PDS5B: variants seen among roughly 807,000 people sequenced by gnomAD.
PDS5B encodes sister chromatid cohesion protein PDS5 homolog B.
PDS5B carries 51 observed loss-of-function variants against 184.1 expected under a neutral mutation model. That is an observed-to-expected ratio of 0.28 (90% CI 0.22 to 0.35). The LOEUF (loss-of-function observed/expected upper bound fraction) is 0.35, where lower values mean the gene tolerates loss of function less well. Among genes scored for constraint, PDS5B ranks in the 10% least tolerant of loss-of-function variants. The pLI, the probability that PDS5B is intolerant of heterozygous loss-of-function variation, is 1.00. For synonymous variants in PDS5B, 566 were observed against 569.2 expected (o/e 0.99, Z 0.08); for missense variants, 1,180 against 1,723.3 (o/e 0.68, Z 5.58).
chr13:32,729,632 C>T (rs189517807), intron 19 of PDS5B, among the ~76,000 whole-genome samples: 3 of 152,184 alleles, frequency 2.0e-5, no homozygotes, highest in Admixed American at 1.3e-4. Context: ...TTTTAATGAT[C>T]GCAATTCTAA....
rs944264793 is a variant in PDS5B at position 32,638,317 on chromosome 13, C to G, written c.-19-10437C>G. On this transcript the variant is annotated intron_variant, in intron 1 of 34. Coordinates refer to ENST00000315596, the MANE Select transcript of PDS5B (RefSeq NM_015032.4). ...TTCTTGATGGGAGGAGCAGCAAAGT[C>G]ACATTGTAAGGGTGTAGATACAAGG... Among the ~76,000 whole-genome samples the G allele has an allele frequency of 2.6e-5, 4 of 152,280 alleles. No homozygotes were observed. In the South Asian group the frequency reaches 8.3e-4, roughly 32 times the overall value.
chr13:32,622,464 A>G (rs1341994435), intron 1 of PDS5B, among the ~76,000 whole-genome samples: 1 of 152,126 alleles, frequency 6.6e-6, no homozygotes, highest in East Asian at 1.9e-4. Flanking sequence ...CCAGATTGTC[A>G]TTAGTTTTTG....
chr13:32,626,977 CT>C (rs2058379893), intron 1 of PDS5B, among the ~76,000 whole-genome samples: 1 of 151,996 alleles, frequency 6.6e-6, no homozygotes, highest in South Asian at 2.1e-4. Context: ...ACACTGCCAC[CT>C]TTGTTTCCTG....
chr13:32,631,999 A>G (rs1196061792), intron 1 of PDS5B, among the ~76,000 whole-genome samples: 5 of 152,192 alleles, frequency 3.3e-5, no homozygotes, highest in African/African-American at 9.6e-5. Flanking sequence ...CACTGGGACA[A>G]CTGGATTTCC....
intron 13 of PDS5B, chr13:32,689,704 C>A (rs983436701): frequency 6.6e-6 from 1 of 152,094 alleles, no homozygotes. Context: ...TGTTCTTTTT[C>A]CACTACACGT....
chr13:32,733,124 A>T lies in PDS5B; in HGVS notation c.2247+900A>T, dbSNP rs1263009306. 3.9e-5 allele frequency among the ~76,000 whole-genome samples: 6 copies of T among 152,314 alleles called. No individual in the cohort carries two copies. The East Asian group carries it at 9.6e-4, about 24-fold the overall frequency. On this transcript the variant is annotated intron_variant, in intron 20 of 34. Transcript: ENST00000315596. ...ATATGAGAATGGCTTCAATAAATTGATGTTAATTTATAGGAAAGTTTTCTT... is the reference window on the plus strand; with the variant it reads ...ATATGAGAATGGCTTCAATAAATTGTTGTTAATTTATAGGAAAGTTTTCTT...
In PDS5B at chr13:32,777,280, GTC is replaced by G. The variant is rs1430342395; in HGVS notation, c.*2230_*2231del. On this transcript the variant is annotated 3_prime_UTR_variant, in exon 35 of 35. Coordinates refer to ENST00000315596, the MANE Select transcript of PDS5B (RefSeq NM_015032.4). The stretch of plus-strand genomic sequence containing the variant: ...ATTTTGTTATGTTCAATGCCAATGA[GTC>G]TGTAATTTTACGACCTGTCTGTTCT... 2 of 151,006 alleles carry G rather than the reference GTC, an allele frequency of 1.3e-5. No individual in the cohort carries two copies. The highest frequency in any genetic ancestry group is 4.9e-5 in the African/African-American group (2 of 41,172). 9.4% of individuals were successfully genotyped at this position (151,006 alleles called of 1,614,324 possible).
chr13:32,603,461 G>C (rs534244853), intron 1 of PDS5B, among the ~76,000 whole-genome samples: 1 of 152,282 alleles, frequency 6.6e-6, no homozygotes, highest in African/African-American at 2.4e-5. Context: ...CTATATCTCT[G>C]TTTTGGTACC....
intron 20 of PDS5B, among the ~76,000 whole-genome samples, chr13:32,732,564 A>T (rs1953163266): frequency 6.6e-6 from 1 of 152,138 alleles, no homozygotes; most frequent in Admixed American, 6.6e-5. Context: ...TGTAGGATCA[A>T]AAAATTTGAA....
In PDS5B at chr13:32,678,917, A is replaced by G; in HGVS notation, c.1045A>G (p.Lys349Glu). 1.3e-6 allele frequency: 2 copies of G among 1,571,884 alleles called. No homozygotes were observed. Among genetic ancestry groups the G allele is most frequent in the Non-Finnish European group, 1.8e-6 (2 of 1,141,668 alleles). Residue 349 changes from lysine to glutamate, a missense_variant, in exon 10 of 35, where the codon AAA becomes GAA. By Grantham distance (56) the Lys-to-Glu change is moderately conservative. Transcript: ENST00000315596. Reference sequence around the variant, plus strand: ...TCTCATGAACCATCCTGATTTAGCAAAAGACTTAACAGGTACTATATATAT... The same window carrying G: ...TCTCATGAACCATCCTGATTTAGCAGAAGACTTAACAGGTACTATATATAT... Reference protein sequence around the residue: ...HCLMNHPDLAKDLTEYLKVRS... With the variant: ...HCLMNHPDLAEDLTEYLKVRS...
chr13:32,720,420 T>G (rs1440210577), intron 19 of PDS5B, among the ~76,000 whole-genome samples: 1 of 151,970 alleles, frequency 6.6e-6, no homozygotes, highest in Admixed American at 6.6e-5. Context: ...CCAGAGATAA[T>G]TAGAAAAGAT....
intron 13 of PDS5B, among the ~76,000 whole-genome samples, chr13:32,691,897 C>T (rs1372228205): frequency 2.6e-5 from 4 of 152,010 alleles, no homozygotes; most frequent in African/African-American, 9.7e-5. Flanking sequence ...ATCAAATTTT[C>T]TTATCTTTAA....
intron 11 of PDS5B, among the ~76,000 whole-genome samples, chr13:32,684,740 CTTAT>C (rs1951338440): frequency 6.6e-6 from 1 of 152,176 alleles, no homozygotes; most frequent in South Asian, 2.1e-4. Flanking sequence ...GACTTTTTGA[CTTAT>C]TTAAGTGCTA....
intron 1 of PDS5B, among the ~76,000 whole-genome samples, chr13:32,632,689 G>A (rs940932975): frequency 6.6e-6 from 1 of 152,242 alleles, no homozygotes; most frequent in African/African-American, 2.4e-5. Flanking sequence ...ATGGGTATTT[G>A]TACAGCAGTG....
At chr13:32,662,617 T>C (rs1442149023) in intron 6 of PDS5B, among the ~76,000 whole-genome samples, 4 of 152,114 alleles carry the variant, frequency 2.6e-5, no homozygotes, top group African/African-American at 9.7e-5. Context: ...GCAGTTAAAA[T>C]ATTTAGAAAT....
chr13:32,606,668 A>T (rs902458612), intron 1 of PDS5B, among the ~76,000 whole-genome samples: 14 of 152,182 alleles, frequency 9.2e-5, no homozygotes, highest in African/African-American at 2.7e-4. Flanking sequence ...GTGTTTTCCA[A>T]CTTGGTTCCA....
In PDS5B at chr13:32,614,519, A is replaced by G. The variant is rs185533220; in HGVS notation, c.-20+27926A>G. 2.3e-4 allele frequency among the ~76,000 whole-genome samples: 35 copies of G among 152,264 alleles called. No homozygotes were observed. The East Asian group carries it at 6.8e-3, about 29-fold the overall frequency. On this transcript the variant is annotated intron_variant, in intron 1 of 34. Coordinates refer to ENST00000315596, the MANE Select transcript of PDS5B (RefSeq NM_015032.4). ...CACCATGTTGACCAGGCTGGCCTTG[A>G]ACTCCTGACCTCAAGTGAGCTGCCC...
intron 1 of PDS5B, among the ~76,000 whole-genome samples, chr13:32,598,911 T>C (rs1316409374): frequency 7.9e-5 from 12 of 151,366 alleles, no homozygotes; most frequent in Non-Finnish European, 1.5e-4. Context: ...GCTGGGACTA[T>C]AGGCGCCTGC....
At chr13:32,630,909 C>T (rs533001169) in intron 1 of PDS5B, among the ~76,000 whole-genome samples, 99 of 151,854 alleles carry the variant, frequency 6.5e-4, no homozygotes, top group Non-Finnish European at 1.0e-3. Flanking sequence ...CTCAGCCTCC[C>T]GAGTAGCTGA....
Sources: gnomAD v4.1 joint callset for allele counts (sites outside exome capture counted in the v4.1 genomes callset) on GRCh38, gnomAD v4.1.1 for gene constraint, MANE v1.5 for transcripts, NCBI Gene and HGNC (gene_info 2026-07-23, HGNC 2026-07-21) for gene names.